CYLC2: variants seen among roughly 807,000 people sequenced by gnomAD.
The protein encoded by CYLC2 is cylicin 2, also known as cylicin-2.
In CYLC2, 30 loss-of-function variants were observed where a neutral mutation model predicts 26.1. The observed-to-expected ratio is 1.15, with a 90% CI of 0.86 to 1.56. The LOEUF (loss-of-function observed/expected upper bound fraction) is 1.56, where lower values mean the gene tolerates loss of function less well. CYLC2 is among the 40% of genes most tolerant of loss of function. The pLI is 0.00. For missense variants in CYLC2, 498 were observed against 394.4 expected (o/e 1.26, Z -2.23); for synonymous variants, 158 against 132.8 (o/e 1.19, Z -1.31).
At chr9:103,014,505 A>G (rs536120052) in intron 6 of CYLC2, among the ~76,000 whole-genome samples, 2 of 140,980 alleles carry the variant, frequency 1.4e-5, no homozygotes, top group Non-Finnish European at 3.1e-5. Context: ...TACATAATAT[A>G]TGTAATATAC....
intron 6 of CYLC2, among the ~76,000 whole-genome samples, chr9:103,016,002 G>A (rs933672673): frequency 4.0e-5 from 6 of 150,100 alleles, no homozygotes; most frequent in East Asian, 3.9e-4. Flanking sequence ...ATGTGTATAT[G>A]TATCAATTAT....
chr9:103,009,767 GTTTGT>G (rs745705279), intron 5 of CYLC2, among the ~76,000 whole-genome samples: 1 of 151,708 alleles, frequency 6.6e-6, no homozygotes, highest in Non-Finnish European at 1.5e-5. Context: ...TACCTCTATA[GTTTGT>G]TTTAATTTTT....
rs113473315 is a variant in CYLC2 at position 103,004,801 on chromosome 9, G to A, written c.287G>A (p.Arg96Lys). The change falls in exon 4 of 8, where the codon AGG becomes AAG. Residue 96 changes from arginine (R) to lysine (K), a missense_variant. Transcript: ENST00000374798. Reference sequence around the variant, plus strand: ...CCATCTGTTTATTTAGCTGCCAGGAGGCAGCCTCTCAAACCAACTCGTACT... The same window carrying A: ...CCATCTGTTTATTTAGCTGCCAGGAAGCAGCCTCTCAAACCAACTCGTACT... The part of the protein sequence containing the change: ...ERPSVYLAAR[R>K]QPLKPTRTVE... 2 of 1,612,886 alleles carry A rather than the reference G, an allele frequency of 1.2e-6. No individual in the cohort carries two copies. Among genetic ancestry groups the A allele is most frequent in the South Asian group, 1.1e-5 (1 of 90,808 alleles).
chr9:102,997,808 T>C (rs759984602), intron 1 of CYLC2, among the ~76,000 whole-genome samples: 16 of 151,936 alleles, frequency 1.1e-4, no homozygotes, highest in Non-Finnish European at 1.8e-4. Flanking sequence ...ATTTTGTATT[T>C]AGATTAAAAT....
chr9:103,001,822 A>G (rs1829292055), intron 2 of CYLC2, among the ~76,000 whole-genome samples: 1 of 152,154 alleles, frequency 6.6e-6, no homozygotes, highest in African/African-American at 2.4e-5. Flanking sequence ...GTTTAAGTAA[A>G]CATGCTCAGT....
At chr9:102,997,451 C>G (rs1396162942) in intron 1 of CYLC2, among the ~76,000 whole-genome samples, 1 of 151,954 alleles carries the variant, frequency 6.6e-6, no homozygotes, top group African/African-American at 2.4e-5. Flanking sequence ...TTACTACACA[C>G]AGAGCCATTC....
At chr9:103,015,568 CATAAA>C (rs1304124963) in intron 6 of CYLC2, among the ~76,000 whole-genome samples, 1 of 142,338 alleles carries the variant, frequency 7.0e-6, no homozygotes, top group African/African-American at 2.6e-5. Context: ...TGTATATATA[CATAAA>C]ATAAATCTCC....
intron 6 of CYLC2, among the ~76,000 whole-genome samples, chr9:103,012,597 T>G (rs1348278859): frequency 6.6e-6 from 1 of 151,940 alleles, no homozygotes; most frequent in Non-Finnish European, 1.5e-5. Context: ...AAATTGCTTG[T>G]GTAAATAAAG....
At chr9:103,011,058 A>G (rs1163542794) in intron 5 of CYLC2, among the ~76,000 whole-genome samples, 1 of 152,124 alleles carries the variant, frequency 6.6e-6, no homozygotes, top group Non-Finnish European at 1.5e-5. Context: ...TTATCTGCTA[A>G]TGATTACTAA....
intron 6 of CYLC2, among the ~76,000 whole-genome samples, chr9:103,015,679 C>G (rs990757900): frequency 6.7e-6 from 1 of 148,570 alleles, no homozygotes; most frequent in Non-Finnish European, 1.5e-5. Flanking sequence ...CAGAGTAGCT[C>G]GTTTTTGTCT....
rs936700310 is a variant in CYLC2, at chr9:103,008,867, C to T, written c.*700+2489C>T. 6.6e-5 allele frequency among the ~76,000 whole-genome samples: 10 copies of T among 152,124 alleles called. 1 individual carries two copies. The highest frequency in any genetic ancestry group is 4.1e-4 in the South Asian group (2 of 4,828). On this transcript the variant is annotated intron_variant, in intron 5 of 7. Transcript: ENST00000374798. ...TCTCTCCACAACGCCATATCCCATT[C>T]TTCATATAGAAACCATCATGTTTCT...
intron 2 of CYLC2, 68 bp downstream of exon 2, chr9:103,001,686 T>G: frequency 4.1e-6 from 4 of 985,736 alleles, no homozygotes; most frequent in Non-Finnish European, 6.2e-6. Context: ...TTATCCTCTA[T>G]TCAAAGTGAT....
At chr9:102,997,814 A>T (rs1333097097) in intron 1 of CYLC2, among the ~76,000 whole-genome samples, 1 of 152,010 alleles carries the variant, frequency 6.6e-6, no homozygotes, top group Non-Finnish European at 1.5e-5. Flanking sequence ...TATTTAGATT[A>T]AAATATAACC....
chr9:103,018,172 T>TCTA (rs1285080524), intron 7 of CYLC2, among the ~76,000 whole-genome samples, 153 bp from the exon 8 acceptor site: 1 of 152,062 alleles, frequency 6.6e-6, no homozygotes, highest in Non-Finnish European at 1.5e-5. Context: ...TGGTAGAAAC[T>TCTA]CTAATTTGTT....
chr9:103,005,379 G>T lies in CYLC2; in HGVS notation c.748G>T (p.Asp250Tyr). 1 of 1,613,958 alleles carries T rather than the reference G, an allele frequency of 6.2e-7. No homozygotes were observed. The highest frequency in any genetic ancestry group is 8.5e-7 in the Non-Finnish European group (1 of 1,179,970). Residue 250 changes from aspartate (D) to tyrosine (Y), a missense_variant, in exon 5 of 8, where the codon GAT becomes TAT. Transcript: ENST00000374798. Reference sequence around the variant, plus strand: ...AAAGAAGGATGAGGATGGAAAAAAAGATGCAAACAAAGGTGATGAATCGAA... The same window carrying T: ...AAAGAAGGATGAGGATGGAAAAAAATATGCAAACAAAGGTGATGAATCGAA... ...DEKKDEDGKK[D>Y]ANKGDESKDA...
chr9:103,004,671 A>G (rs775014958), intron 3 of CYLC2, 24 bp from the exon 4 acceptor site: 5 of 1,540,164 alleles, frequency 3.2e-6, no homozygotes, highest in African/African-American at 2.8e-5. Flanking sequence ...CAAGTTGTTC[A>G]TCATTATTGT....
chr9:103,004,606 G>A (rs566902310), intron 3 of CYLC2, 89 bp from the exon 4 acceptor site: 5 of 900,668 alleles, frequency 5.6e-6, no homozygotes, highest in South Asian at 2.7e-5. Context: ...ATCTTTTTAT[G>A]GTTGAAATTA....
chr9:103,014,478 ATGTATAT>A (rs1405715976), intron 6 of CYLC2, among the ~76,000 whole-genome samples: 1,812 of 135,884 alleles, frequency 0.013, 12 homozygotes, highest in Middle Eastern at 0.023. Context: ...TATACATAAT[ATGTATAT>A]TATGCAATAT....
chr9:103,003,103 A>G (rs1829304332), intron 2 of CYLC2, 39 bp from the exon 3 acceptor site: 2 of 1,608,670 alleles, frequency 1.2e-6, no homozygotes, highest in Middle Eastern at 1.7e-4. Flanking sequence ...ATGGAATTCT[A>G]TTCACTCCAA....
Sources: allele counts gnomAD v4.1 joint callset (sites outside exome capture counted in the v4.1 genomes callset), GRCh38; gene constraint gnomAD v4.1.1; transcripts MANE v1.5; gene names NCBI Gene and HGNC (gene_info 2026-07-23, HGNC 2026-07-21).